The following GABPB2 variants were observed in gnomAD, a reference collection of about 807,000 sequenced individuals.
GABPB2 encodes the protein GA-binding protein subunit beta-2.
GABPB2 carries 23 observed loss-of-function variants against 39.1 expected under a neutral mutation model. The ratio of observed to expected loss-of-function variants is 0.59; its 90% confidence interval spans 0.42 to 0.83. The LOEUF is 0.83. GABPB2 is among the 40% of genes least tolerant of loss of function. GABPB2 has a pLI of 0.00. For synonymous variants in GABPB2, 184 were observed against 199.3 expected (o/e 0.92, Z 0.65); for missense variants, 467 against 541.1 (o/e 0.86, Z 1.36).
At chr1:151,114,179 TA>T (rs35201533) in intron 7 of GABPB2, among the ~76,000 whole-genome samples, 2,305 of 147,792 alleles carry the variant, frequency 0.016, 64 homozygotes, top group African/African-American at 0.054. Context: ...AACCCATCTC[TA>T]AAAAAAAATA....
rs186954995 is a variant in GABPB2, at chr1:151,082,487, C to T, written c.1-5703C>T. Reference sequence around the variant, plus strand: ...CTCGATCTCGGCTCACTGCAGGCTCCGCCTCCTGGGTTCATGTGATTCTCT... The same window carrying T: ...CTCGATCTCGGCTCACTGCAGGCTCTGCCTCCTGGGTTCATGTGATTCTCT... On this transcript the variant is annotated intron_variant, in intron 1 of 8. Transcript: ENST00000368918. Among the ~76,000 whole-genome samples, 754 of 148,554 alleles carry T rather than the reference C, an allele frequency of 5.1e-3. 28 individuals carry two copies. The highest frequency in any genetic ancestry group is 0.048 in the Admixed American group (696 of 14,582).
intron 1 of GABPB2, among the ~76,000 whole-genome samples, chr1:151,082,388 A>ATTT (rs1558128810): frequency 1.6e-5 from 2 of 124,546 alleles, no homozygotes; most frequent in African/African-American, 6.2e-5. Flanking sequence ...ACAAGTGGTA[A>ATTT]TTTCTTTTTT....
intron 7 of GABPB2, among the ~76,000 whole-genome samples, chr1:151,110,929 AT>A (rs1680374075): frequency 6.6e-6 from 1 of 152,130 alleles, no homozygotes; most frequent in Non-Finnish European, 1.5e-5. Context: ...ATACAAACCA[AT>A]TTTTAAATCT....
intron 7 of GABPB2, among the ~76,000 whole-genome samples, chr1:151,117,126 A>T (rs6656450): frequency 0.59 from 89,825 of 151,960 alleles, 29,608 homozygotes; most frequent in East Asian, 0.89. Context: ...AAGAGATATT[A>T]AAAATAATAT....
rs72708413 is a variant in GABPB2, at chr1:151,109,037, T to A, written c.922+1815T>A. Among the ~76,000 whole-genome samples the A allele has an allele frequency of 3.3e-3, 506 of 151,798 alleles. 2 individuals are homozygous for A. Among genetic ancestry groups the A allele is most frequent in the Non-Finnish European group, 5.9e-3 (400 of 67,938 alleles). On this transcript the variant is annotated intron_variant, in intron 7 of 8. Transcript: ENST00000368918. ...CCCCCTCATCTCTACGCAATTTTTT[T>A]AAAAAATAGCCTGGTTGATGGCACG...
chr1:151,103,044 CTTTTTT>C (rs376522230), intron 5 of GABPB2, among the ~76,000 whole-genome samples: 3 of 88,240 alleles, frequency 3.4e-5, no homozygotes, highest in Admixed American at 1.6e-4. Context: ...ACAAAGTATA[CTTTTTT>C]TTTTTTTTTT....
rs754796490 is a variant in GABPB2 at position 151,070,790 on chromosome 1, G to T, written c.-145G>T. The T allele has an allele frequency of 2.0e-5, 3 of 152,080 alleles. No individual in the cohort carries two copies. The highest frequency in any genetic ancestry group is 6.6e-5 in the Admixed American group (1 of 15,256). 9.4% of individuals were successfully genotyped at this position (152,080 alleles called of 1,614,324 possible). A position where few individuals can be genotyped will look rare whatever the true frequency, so the allele number is the denominator to read the frequency against. On this transcript the variant is annotated 5_prime_UTR_variant, in exon 1 of 9. The change creates a new upstream start codon in the 5' untranslated region. Coordinates refer to ENST00000368918, the MANE Select transcript of GABPB2 (RefSeq NM_144618.3). ...TTTTGTTGCCTCTGTTTCTCCACGAGGGGGGGTTAAAGGCCCCCAAAACAT... is the reference window on the plus strand; with the variant it reads ...TTTTGTTGCCTCTGTTTCTCCACGATGGGGGGTTAAAGGCCCCCAAAACAT...
intron 6 of GABPB2, among the ~76,000 whole-genome samples, chr1:151,104,821 T>TTCTTTCTTTCTCTTCTCTC (rs1679833328): frequency 2.0e-5 from 3 of 151,328 alleles, no homozygotes; most frequent in African/African-American, 4.9e-5. Flanking sequence ...TTTCCTTTCT[T>TTCTTTCTTTCTCTTCTCTC]TCTTTCTTTC....
intron 3 of GABPB2, among the ~76,000 whole-genome samples, chr1:151,091,277 G>A (rs1036445971): frequency 1.3e-5 from 2 of 150,468 alleles, no homozygotes; most frequent in African/African-American, 4.9e-5. Flanking sequence ...TAGTAGAGAC[G>A]GGGTTTCACC....
At chr1:151,096,752 G>A (rs1269668145) in intron 4 of GABPB2, among the ~76,000 whole-genome samples, 1 of 152,068 alleles carries the variant, frequency 6.6e-6, no homozygotes, top group Non-Finnish European at 1.5e-5. Context: ...TTTTTTCAAT[G>A]GCCGAATGGA....
intron 6 of GABPB2, 41 bp downstream of exon 6, chr1:151,103,716 CTTTTGT>C: frequency 7.5e-7 from 1 of 1,334,194 alleles, no homozygotes; most frequent in Non-Finnish European, 1.1e-6. Flanking sequence ...ACCACTTTTT[CTTTTGT>C]TTTTAAGTCT....
At chr1:151,108,691 A>G (rs1337530296) in intron 7 of GABPB2, among the ~76,000 whole-genome samples, 2 of 152,102 alleles carry the variant, frequency 1.3e-5, no homozygotes, top group African/African-American at 4.8e-5. Context: ...GCTATACATT[A>G]GTATACTGAG....
At chr1:151,117,589 CT>C in intron 8 of GABPB2, 73 bp downstream of exon 8, 2 of 1,504,250 alleles carry the variant, frequency 1.3e-6, no homozygotes, top group South Asian at 2.5e-5. Context: ...TTCATCTTTT[CT>C]TTTTTCTTTT....
At chr1:151,073,515 G>A (rs1676895318) in intron 1 of GABPB2, among the ~76,000 whole-genome samples, 2 of 152,184 alleles carry the variant, frequency 1.3e-5, no homozygotes, top group Non-Finnish European at 2.9e-5. Context: ...GCCAGAACCA[G>A]CATGGACAAG....
chr1:151,106,299 G>A (rs960627281), intron 6 of GABPB2, among the ~76,000 whole-genome samples: 8 of 151,154 alleles, frequency 5.3e-5, no homozygotes, highest in African/African-American at 1.9e-4. Flanking sequence ...AAAAAAAAGG[G>A]TTCCAATATC....
At chr1:151,088,868 C>T (rs945667301) in intron 2 of GABPB2, among the ~76,000 whole-genome samples, 10 of 152,086 alleles carry the variant, frequency 6.6e-5, no homozygotes, top group Non-Finnish European at 7.4e-5. Flanking sequence ...GGCATGGTGG[C>T]GCACGCCTGT....
At position 151,120,271 on chromosome 1, in the gene GABPB2, A is replaced by G. The variant is rs896225628; in HGVS notation, c.*2015A>G. On this transcript the variant is annotated 3_prime_UTR_variant, in exon 9 of 9. Transcript: ENST00000368918. ...GTAGAATCACTTGAACCCAGGTGAC[A>G]GAGGTTGCAGTGATCCAAGATCATG... 6.6e-6 allele frequency: 1 copy of G among 151,772 alleles called. No homozygotes were observed. The highest frequency in any genetic ancestry group is 1.5e-5 in the Non-Finnish European group (1 of 67,964). 9.4% of individuals were successfully genotyped at this position (151,772 alleles called of 1,614,324 possible).
intron 7 of GABPB2, among the ~76,000 whole-genome samples, chr1:151,116,301 G>C (rs996085999): frequency 1.3e-5 from 2 of 150,426 alleles, no homozygotes; most frequent in African/African-American, 4.9e-5. Flanking sequence ...TGAGGCAGGA[G>C]ATCACTTGAA....
chr1:151,097,234 A>G (rs1395223401), intron 4 of GABPB2, among the ~76,000 whole-genome samples: 5 of 152,142 alleles, frequency 3.3e-5, no homozygotes, highest in Non-Finnish European at 7.4e-5. Context: ...TTTTCAAATG[A>G]AAAAAACAAG....
Sources: gnomAD v4.1 joint callset for allele counts (sites outside exome capture counted in the v4.1 genomes callset) on GRCh38, gnomAD v4.1.1 for gene constraint, MANE v1.5 for transcripts, NCBI Gene and HGNC (gene_info 2026-07-23, HGNC 2026-07-21) for gene names.